The following RANBP2 variants were observed in gnomAD, a reference collection of about 807,000 sequenced individuals.
RANBP2 encodes E3 SUMO-protein ligase RanBP2.
Under a neutral mutation model 303.6 loss-of-function variants are expected in RANBP2, and 57 were observed. The ratio of observed to expected loss-of-function variants is 0.19; its 90% CI spans 0.15 to 0.23. The LOEUF (loss-of-function observed/expected upper bound fraction) is 0.23. RANBP2 is among the 10% of genes least tolerant of loss of function. RANBP2 has a pLI of 1.00. For synonymous variants in RANBP2, 1,167 were observed against 1,301.5 expected, an observed-to-expected ratio of 0.90 and a Z score of 2.23; for missense variants, 3,138 against 3,780.8, an observed-to-expected ratio of 0.83 and a Z score of 4.46.
Position 108,736,094 on chromosome 2 carries a change from C to T in RANBP2, c.637-10C>T. On this transcript the variant is annotated splice_polypyrimidine_tract_variant and intron_variant, in intron 5 of 28. Coordinates refer to ENST00000283195, the MANE Select transcript of RANBP2 (RefSeq NM_006267.5). ...AAGTTTTGTAACTTACTGTTCATTC[C>T]ACAAAATAGGAATATCTGGAGTCTT... is the stretch of plus-strand genomic sequence containing the variant. 1 of 1,611,604 alleles carries T rather than the reference C, an allele frequency of 6.2e-7. No homozygotes were observed. The highest frequency in any genetic ancestry group is 1.1e-5 in the South Asian group (1 of 90,938).
the RANBP2 span, among the ~76,000 whole-genome samples, chr2:109,209,205 T>C: frequency 1.3e-5 from 2 of 152,208 alleles, no homozygotes; most frequent in South Asian, 4.1e-4. Context: ...GGTGGTCTCA[T>C]ATGCCGTGGC....
the RANBP2 span, among the ~76,000 whole-genome samples, chr2:109,324,646 G>C: frequency 6.6e-6 from 1 of 152,224 alleles, no homozygotes; most frequent in Admixed American, 6.5e-5. Flanking sequence ...AGAAGGCGAA[G>C]TTGATCCTTT....
At chr2:108,874,184 G>T in the RANBP2 span, among the ~76,000 whole-genome samples, 19 of 152,058 alleles carry the variant, frequency 1.2e-4, no homozygotes, top group Admixed American at 1.2e-3. Context: ...AAAGTATTTT[G>T]CAAATCCTTA....
intron 6 of RANBP2, among the ~76,000 whole-genome samples, chr2:108,736,539 G>A (rs1695598800): frequency 6.6e-6 from 1 of 152,120 alleles, no homozygotes; most frequent in Non-Finnish European, 1.5e-5. Flanking sequence ...TAAAATGAAT[G>A]TTCTAACTGC....
chr2:109,668,996 A>T, the RANBP2 span, among the ~76,000 whole-genome samples: 19 of 152,232 alleles, frequency 1.2e-4, no homozygotes, highest in Admixed American at 5.9e-4. Flanking sequence ...AATCTGCATG[A>T]CCATGTCCTG....
the RANBP2 span, among the ~76,000 whole-genome samples, chr2:109,233,440 C>T: frequency 9.2e-5 from 14 of 152,240 alleles, no homozygotes; most frequent in African/African-American, 3.4e-4. Flanking sequence ...CGTGTCTTCC[C>T]TCCTCTGCTG....
the RANBP2 span, among the ~76,000 whole-genome samples, chr2:109,185,442 G>A: frequency 2.0e-5 from 3 of 152,206 alleles, no homozygotes; most frequent in Admixed American, 6.5e-5. Flanking sequence ...GATCCGAAGA[G>A]GCAAGTTAAT....
chr2:109,458,297 A>G, the RANBP2 span, among the ~76,000 whole-genome samples: 3 of 152,204 alleles, frequency 2.0e-5, no homozygotes, highest in Non-Finnish European at 4.4e-5. Context: ...TGGATCTCAA[A>G]TAGAACCAAT....
chr2:109,742,290 AG>A, the RANBP2 span, among the ~76,000 whole-genome samples: 1 of 95,110 alleles, frequency 1.1e-5, no homozygotes, highest in Admixed American at 1.2e-4. Context: ...GCATGGTGGC[AG>A]GTGCCTGTAA....
chr2:109,674,262 A>G, the RANBP2 span, among the ~76,000 whole-genome samples: 1 of 151,944 alleles, frequency 6.6e-6, no homozygotes, highest in Non-Finnish European at 1.5e-5. Flanking sequence ...ATGAAGTAAA[A>G]TGGTAGAAAC....
the RANBP2 span, chr2:108,896,945 C>A: frequency 2.4e-5 from 39 of 1,612,930 alleles, no homozygotes; most frequent in African/African-American, 4.5e-4. Flanking sequence ...GGTGGCACAA[C>A]CCCCGCCCAC....
At chr2:109,484,349 G>C in the RANBP2 span, among the ~76,000 whole-genome samples, 5 of 152,142 alleles carry the variant, frequency 3.3e-5, no homozygotes, top group Non-Finnish European at 7.4e-5. Flanking sequence ...TTACAGGCAT[G>C]AGCCACCCTG....
the RANBP2 span, among the ~76,000 whole-genome samples, chr2:108,809,449 TGTGTG>T: frequency 5.8e-4 from 13 of 22,330 alleles, no homozygotes; most frequent in Middle Eastern, 0.017. Context: ...CATGAAATGT[TGTGTG>T]TGTGTGTGTG....
chr2:108,918,005 A>G, the RANBP2 span, among the ~76,000 whole-genome samples: 3 of 152,186 alleles, frequency 2.0e-5, no homozygotes, highest in Non-Finnish European at 4.4e-5. Flanking sequence ...AGAATCATAC[A>G]AGTATGCATT....
At chr2:108,908,431 A>T in the RANBP2 span, among the ~76,000 whole-genome samples, 142 of 152,344 alleles carry the variant, frequency 9.3e-4, no homozygotes, top group African/African-American at 3.2e-3. Context: ...AAGCAAACAG[A>T]TTGATGCAGC....
chr2:109,579,192 T>C, the RANBP2 span, among the ~76,000 whole-genome samples: 4 of 152,190 alleles, frequency 2.6e-5, no homozygotes, highest in Admixed American at 1.3e-4. Context: ...AATGGACAGA[T>C]TCCTGGAAAA....
At chr2:109,504,966 G>T in the RANBP2 span, among the ~76,000 whole-genome samples, 1 of 152,234 alleles carries the variant, frequency 6.6e-6, no homozygotes, top group Non-Finnish European at 1.5e-5. Context: ...GCCTGGAAGG[G>T]CAGGGTGGCT....
At chr2:109,643,540 A>G in the RANBP2 span, among the ~76,000 whole-genome samples, 2 of 152,058 alleles carry the variant, frequency 1.3e-5, no homozygotes, top group Non-Finnish European at 2.9e-5. Context: ...CTGGCAGATC[A>G]CCTGAGATCA....
At chr2:108,759,705 C>G (rs541676325) in intron 18 of RANBP2, among the ~76,000 whole-genome samples, 18 of 152,244 alleles carry the variant, frequency 1.2e-4, no homozygotes, top group Admixed American at 1.1e-3. Context: ...AACGTTCAAA[C>G]CTTGTTTTCT....
Sources: allele counts gnomAD v4.1 joint callset (sites outside exome capture counted in the v4.1 genomes callset), GRCh38; gene constraint gnomAD v4.1.1; transcripts MANE v1.5; gene names NCBI Gene and HGNC (gene_info 2026-07-23, HGNC 2026-07-21).